Variants in RPS6KA5 observed in about 807,000 individuals in gnomAD.
The protein encoded by RPS6KA5 is ribosomal protein S6 kinase alpha-5.
In RPS6KA5, 27 loss-of-function variants were observed where a neutral mutation model predicts 85.5. The observed-to-expected ratio is 0.32, with a 90% CI of 0.23 to 0.44. RPS6KA5 has a LOEUF of 0.44. RPS6KA5 is among the 20% of genes least tolerant of loss of function. The pLI is 1.00. For synonymous variants in RPS6KA5, 334 were observed against 348.2 expected (o/e 0.96, Z 0.46); for missense variants, 811 against 980.9 (o/e 0.83, Z 2.31).
At chr14:90,914,009 G>A (rs986287098) in intron 7 of RPS6KA5, among the ~76,000 whole-genome samples, 1 of 152,202 alleles carries the variant, frequency 6.6e-6, no homozygotes, top group African/African-American at 2.4e-5. Context: ...AGAAACAGCA[G>A]GTGATCCAGA....
chr14:90,862,403 AC>A lies in RPS6KA5; in HGVS notation c.*9670del, dbSNP rs2032599997. ...CCAAAACTTGACAAAAATATTAAAG[AC>A]AGAAAAATTACAGGTCTGTCCTTCT... On this transcript the variant is annotated 3_prime_UTR_variant, in exon 17 of 17. Transcript: ENST00000614987. The A allele has an allele frequency of 6.6e-6, 1 of 152,212 alleles. No homozygotes were observed. The highest frequency in any genetic ancestry group is 2.1e-4 in the South Asian group (1 of 4,858). The allele number at this position is 152,212 out of a possible 1,614,324, so 9.4% of individuals were successfully genotyped here.
At chr14:90,913,450 T>C (rs1403673171) in intron 7 of RPS6KA5, among the ~76,000 whole-genome samples, 6 of 152,140 alleles carry the variant, frequency 3.9e-5, no homozygotes, top group East Asian at 1.9e-4. Context: ...GTGATAGATA[T>C]TGCCAAAAAT....
Position 90,857,996 on chromosome 14 carries a change from A to C in RPS6KA5, c.*14078T>G, listed in dbSNP as rs191178860. ...AACCAAGTTATCAATGCCAGAAGCC[A>C]CTGCGGAGAAATCAACAATGGCGAT... is the stretch of plus-strand genomic sequence containing the variant. On this transcript the variant is annotated 3_prime_UTR_variant, in exon 17 of 17. Coordinates refer to ENST00000614987, the MANE Select transcript of RPS6KA5 (RefSeq NM_004755.4). The C allele has an allele frequency of 6.6e-6, 1 of 152,360 alleles. No homozygotes were observed. Among genetic ancestry groups the C allele is most frequent in the East Asian group, 1.9e-4 (1 of 5,196 alleles). The allele number at this position is 152,360 out of a possible 1,614,324, so 9.4% of individuals were successfully genotyped here.
intron 3 of RPS6KA5, among the ~76,000 whole-genome samples, chr14:90,952,282 C>T (rs1424075157): frequency 1.3e-5 from 2 of 152,214 alleles, no homozygotes; most frequent in Non-Finnish European, 2.9e-5. Flanking sequence ...CATTTATACA[C>T]TTGTATTAAC....
chr14:90,942,905 C>T (rs1328418611), intron 5 of RPS6KA5, among the ~76,000 whole-genome samples, 173 bp downstream of exon 5: 1 of 152,158 alleles, frequency 6.6e-6, no homozygotes, highest in Non-Finnish European at 1.5e-5. Context: ...GCAATTTTAA[C>T]AGGACGGCTC....
intron 1 of RPS6KA5, among the ~76,000 whole-genome samples, chr14:91,010,215 A>T (rs1319288166): frequency 6.6e-6 from 1 of 152,198 alleles, no homozygotes; most frequent in African/African-American, 2.4e-5. Context: ...TTAAAAATAA[A>T]ACAGTCAAAA....
At chr14:90,953,235 G>A (rs1161893207) in intron 3 of RPS6KA5, among the ~76,000 whole-genome samples, 1 of 152,182 alleles carries the variant, frequency 6.6e-6, no homozygotes. Context: ...TCTTACACCT[G>A]TTTTTACTTC....
intron 13 of RPS6KA5, chr14:90,894,092 A>G (rs2034703588): frequency 1.0e-6 from 1 of 980,210 alleles, no homozygotes; most frequent in Non-Finnish European, 1.2e-6. Flanking sequence ...TATATGTAAG[A>G]GATATTATTT....
At chr14:91,043,575 C>T (rs1387565576) in intron 1 of RPS6KA5, among the ~76,000 whole-genome samples, 1 of 152,158 alleles carries the variant, frequency 6.6e-6, no homozygotes, top group South Asian at 2.1e-4. Context: ...TAATAATTCT[C>T]ACTTCACTGG....
chr14:90,899,242 C>T, intron 12 of RPS6KA5, 87 bp downstream of exon 12: 2 of 900,484 alleles, frequency 2.2e-6, no homozygotes, highest in Admixed American at 2.3e-5. Flanking sequence ...TGACTCTGAC[C>T]CAGCAGCACC....
Position 90,976,937 on chromosome 14 carries a change from A to G in RPS6KA5, c.394+1369T>C, listed in dbSNP as rs117873326. On this transcript the variant is annotated intron_variant, in intron 3 of 16. Coordinates refer to ENST00000614987, the MANE Select transcript of RPS6KA5 (RefSeq NM_004755.4). ...AAAATGGCCAAATATATATTAAAAA[A>G]CCAGTTTGTATTACCAATAATCAAA... 3.3e-3 allele frequency among the ~76,000 whole-genome samples: 510 copies of G among 152,314 alleles called. 1 individual carries two copies. Among genetic ancestry groups the G allele is most frequent in the Non-Finnish European group, 4.1e-3 (282 of 68,018 alleles).
At chr14:90,989,294 A>T (rs184286886) in intron 2 of RPS6KA5, among the ~76,000 whole-genome samples, 2 of 152,350 alleles carry the variant, frequency 1.3e-5, no homozygotes, top group Admixed American at 1.3e-4. Context: ...AAACAACAAG[A>T]GTGTCAAGAT....
chr14:90,917,000 C>T (rs560014772), intron 7 of RPS6KA5, among the ~76,000 whole-genome samples: 4 of 152,212 alleles, frequency 2.6e-5, no homozygotes, highest in African/African-American at 9.6e-5. Context: ...TAAAGATTGC[C>T]TGTATATGTG....
chr14:90,894,982 T>C (rs1160532993), intron 12 of RPS6KA5, among the ~76,000 whole-genome samples: 1 of 152,170 alleles, frequency 6.6e-6, no homozygotes, highest in Non-Finnish European at 1.5e-5. Flanking sequence ...ATCCAGCTAA[T>C]TCTTTCATTT....
chr14:91,035,239 A>G (rs1328823659), intron 1 of RPS6KA5, among the ~76,000 whole-genome samples: 3 of 152,162 alleles, frequency 2.0e-5, no homozygotes, highest in African/African-American at 7.2e-5. Flanking sequence ...CCAACAAGTA[A>G]AACTGCATAT....
At chr14:90,954,708 T>C (rs564685561) in intron 3 of RPS6KA5, among the ~76,000 whole-genome samples, 4 of 152,288 alleles carry the variant, frequency 2.6e-5, no homozygotes, top group African/African-American at 9.6e-5. Context: ...GCCACCGTAC[T>C]AGGCCTGTGG....
At chr14:91,000,163 A>G (rs1286148) in intron 2 of RPS6KA5, among the ~76,000 whole-genome samples, 28,712 of 152,038 alleles carry the variant, frequency 0.19, 2,857 homozygotes, top group East Asian at 0.31. Context: ...ATCCATATAC[A>G]CATGTAGATA....
At chr14:90,951,658 T>A (rs2038196655) in intron 3 of RPS6KA5, among the ~76,000 whole-genome samples, 1 of 152,168 alleles carries the variant, frequency 6.6e-6, no homozygotes, top group Non-Finnish European at 1.5e-5. Context: ...ATTGCTCCTC[T>A]GGCAGAAGGG....
At chr14:90,922,301 T>C (rs2036436729) in intron 6 of RPS6KA5, among the ~76,000 whole-genome samples, 1 of 152,016 alleles carries the variant, frequency 6.6e-6, no homozygotes, top group African/African-American at 2.4e-5. Flanking sequence ...GTTTTTCTAG[T>C]AGAAATTAAA....
Sources: gnomAD v4.1 joint callset for allele counts (sites outside exome capture counted in the v4.1 genomes callset) on GRCh38, gnomAD v4.1.1 for gene constraint, MANE v1.5 for transcripts, NCBI Gene and HGNC (gene_info 2026-07-23, HGNC 2026-07-21) for gene names.